The following COL11A1 variants were observed in gnomAD, a reference collection of about 807,000 sequenced individuals.
COL11A1 encodes the protein collagen alpha-1(XI) chain.
Under a neutral mutation model 265.2 loss-of-function variants are expected in COL11A1, and 74 were observed. The ratio of observed to expected loss-of-function variants is 0.28; its 90% CI spans 0.23 to 0.34. The LOEUF (loss-of-function observed/expected upper bound fraction) is 0.34. COL11A1 is among the 10% of genes least tolerant of loss of function. COL11A1 has a pLI of 1.00. For missense variants in COL11A1, 2,165 were observed against 2,263.6 expected (o/e 0.96, Z 0.88); for synonymous variants, 816 against 727.6 (o/e 1.12, Z -1.96).
chr1:103,041,937 G>T (rs1033864661), intron 4 of COL11A1, among the ~76,000 whole-genome samples: 2 of 151,750 alleles, frequency 1.3e-5, no homozygotes. Flanking sequence ...ATATAGGTTC[G>T]TTATTTTAGG....
chr1:103,078,068 C>A (rs1401515703), intron 3 of COL11A1, among the ~76,000 whole-genome samples: 1 of 152,096 alleles, frequency 6.6e-6, no homozygotes, highest in Non-Finnish European at 1.5e-5. Context: ...TTAGATCATT[C>A]TTCTGCTCAA....
intron 1 of COL11A1, among the ~76,000 whole-genome samples, chr1:103,085,332 G>A (rs146326455): frequency 1.1e-3 from 163 of 152,250 alleles, no homozygotes; most frequent in Middle Eastern, 3.4e-3. Context: ...GACGCAGGGC[G>A]GGAACCAGTC....
intron 4 of COL11A1, among the ~76,000 whole-genome samples, chr1:103,057,727 A>G (rs1174229407): frequency 1.3e-5 from 2 of 152,166 alleles, no homozygotes; most frequent in African/African-American, 2.4e-5. Flanking sequence ...GAGCAGTAAT[A>G]TTTTGAAAAG....
intron 46 of COL11A1, 142 bp from the exon 47 acceptor site, chr1:102,923,531 A>G (rs934622242): frequency 1.4e-4 from 93 of 669,132 alleles, no homozygotes; most frequent in Non-Finnish European, 2.2e-4. Flanking sequence ...TTGTTAAAAT[A>G]CCTACTATGC....
At position 102,889,531 on chromosome 1, in the gene COL11A1, G is replaced by T. The variant is rs202194245; in HGVS notation, c.4388C>A (p.Pro1463His). The change falls in exon 59 of 67, where the codon CCT becomes CAT. Residue 1463 changes from proline to histidine, a missense_variant. By Grantham distance (77) the Pro-to-His change is moderately conservative. Coordinates refer to ENST00000370096, the MANE Select transcript of COL11A1 (RefSeq NM_001854.4). ...GHPGLIGLIG[P>H]PGEQGEKGDR... ...ACCTTTTTCCCCTTGTTCTCCTGGA[G>T]GACCAATCAGGCCAATTAAACCAGG... 37 of 1,613,368 alleles carry T rather than the reference G, an allele frequency of 2.3e-5. No homozygotes were observed. The highest frequency in any genetic ancestry group is 3.1e-5 in the Non-Finnish European group (36 of 1,179,788).
At chr1:102,929,618 A>G (rs1557834367) in intron 46 of COL11A1, among the ~76,000 whole-genome samples, 1 of 152,010 alleles carries the variant, frequency 6.6e-6, no homozygotes, top group Non-Finnish European at 1.5e-5. Flanking sequence ...GTTTTTTCCA[A>G]TTCTGTGAAG....
intron 42 of COL11A1, among the ~76,000 whole-genome samples, chr1:102,941,780 C>T (rs374495797): frequency 3.9e-5 from 6 of 152,218 alleles, no homozygotes; most frequent in African/African-American, 1.4e-4. Flanking sequence ...ATATGAGTAA[C>T]CTGAGTTTGC....
At chr1:103,075,687 AT>A (rs71592264) in intron 3 of COL11A1, among the ~76,000 whole-genome samples, 18 of 151,768 alleles carry the variant, frequency 1.2e-4, no homozygotes, top group Admixed American at 2.0e-4. Context: ...TTTATATTTT[AT>A]TTTTTTTCCA....
At chr1:102,896,973 A>C in intron 57 of COL11A1, among the ~76,000 whole-genome samples, 1 of 152,122 alleles carries the variant, frequency 6.6e-6, no homozygotes, top group East Asian at 1.9e-4. Context: ...ATCCTGCTTC[A>C]ACCGGGGCCC....
chr1:103,082,733 G>A, intron 2 of COL11A1, 72 bp downstream of exon 2: 1 of 1,245,094 alleles, frequency 8.0e-7, no homozygotes, highest in Non-Finnish European at 1.2e-6. Flanking sequence ...AATACTAAAA[G>A]TAGTTTTAGT....
chr1:102,951,499 C>T (rs1246229168), intron 41 of COL11A1, among the ~76,000 whole-genome samples: 2 of 152,086 alleles, frequency 1.3e-5, no homozygotes, highest in South Asian at 2.1e-4. Context: ...AGATTGAGAC[C>T]ATCCTGGCTA....
At chr1:102,978,624 C>T (rs2101678145) in intron 35 of COL11A1, 84 bp downstream of exon 35, 2 of 1,411,408 alleles carry the variant, frequency 1.4e-6, no homozygotes, top group South Asian at 1.2e-5. Flanking sequence ...CATGTATTAG[C>T]AGACATATAT....
At position 103,021,701 on chromosome 1, in the gene COL11A1, A is replaced by G; in HGVS notation, c.1308+6T>C. The G allele has an allele frequency of 1.3e-6, 2 of 1,599,286 alleles. No homozygotes were observed. The highest frequency in any genetic ancestry group is 1.7e-6 in the Non-Finnish European group (2 of 1,166,524). On this transcript the variant is annotated splice_donor_region_variant and intron_variant, in intron 9 of 66. Transcript: ENST00000370096. ...ACCTTTAAAGTGTATTCACACTACT[A>G]CTTACAGGCTCAACCACTGCTGGTT...
At chr1:102,994,051 A>C (rs1323859073) in intron 28 of COL11A1, among the ~76,000 whole-genome samples, 1 of 152,138 alleles carries the variant, frequency 6.6e-6, no homozygotes, top group African/African-American at 2.4e-5. Flanking sequence ...ATAGTTGTTT[A>C]CTTTTAGTAT....
At position 103,078,692 on chromosome 1, in the gene COL11A1, G is replaced by A; in HGVS notation, c.454C>T (p.Pro152Ser). 6.2e-7 allele frequency: 1 copy of A among 1,613,382 alleles called. No individual in the cohort carries two copies. The highest frequency in any genetic ancestry group is 8.5e-7 in the Non-Finnish European group (1 of 1,179,554). ...GCGATGTTAACAGTTCTGAAGAGGG[G>A]ATAGTCTTCTGGGGCAGGTTTTCCA... ...HTGKPAPEDY[P>S]LFRTVNIADG... is the part of the protein sequence containing the mutation. Residue 152 changes from proline to serine, a missense_variant, in exon 3 of 67, where the codon CCC becomes TCC. Coordinates refer to ENST00000370096, the MANE Select transcript of COL11A1 (RefSeq NM_001854.4).
intron 3 of COL11A1, among the ~76,000 whole-genome samples, chr1:103,076,270 A>G (rs893835175): frequency 2.0e-5 from 3 of 152,026 alleles, no homozygotes; most frequent in Non-Finnish European, 4.4e-5. Flanking sequence ...ACAGAATCCA[A>G]TATCTCTCAA....
intron 16 of COL11A1, 52 bp downstream of exon 16, chr1:103,006,210 A>AAATAAAT (rs1665599710): frequency 1.9e-5 from 10 of 517,546 alleles, no homozygotes; most frequent in African/African-American, 3.0e-5. Flanking sequence ...AATAAATAAA[A>AAATAAAT]CTAATGATCA....
At chr1:103,102,823 T>C (rs977187102) in intron 1 of COL11A1, among the ~76,000 whole-genome samples, 1 of 152,022 alleles carries the variant, frequency 6.6e-6, no homozygotes, top group African/African-American at 2.4e-5. Context: ...CCTATGGCCA[T>C]GTATTGCTTT....
chr1:103,019,627 G>T (rs999964438), intron 9 of COL11A1, among the ~76,000 whole-genome samples: 4 of 151,716 alleles, frequency 2.6e-5, no homozygotes, highest in African/African-American at 7.3e-5. Context: ...TAGGGTACAT[G>T]TGCACAATGT....
Sources: allele counts gnomAD v4.1 joint callset (sites outside exome capture counted in the v4.1 genomes callset), GRCh38; gene constraint gnomAD v4.1.1; transcripts MANE v1.5; gene names NCBI Gene and HGNC (gene_info 2026-07-23, HGNC 2026-07-21).